The following FAT4 variants were observed in gnomAD, a reference collection of about 807,000 sequenced individuals.
FAT4 encodes the protein FAT atypical cadherin 4.
Under a neutral mutation model 303.9 loss-of-function variants are expected in FAT4, and 84 were observed. The ratio of observed to expected loss-of-function variants is 0.28; its 90% CI spans 0.23 to 0.33. FAT4 has a LOEUF of 0.33. Among genes scored for constraint, FAT4 ranks in the 10% least tolerant of loss-of-function variants. The pLI, the probability that FAT4 is intolerant of heterozygous loss-of-function variation, is 1.00. For missense variants in FAT4, 6,005 were observed against 6,146.8 expected, an observed-to-expected ratio of 0.98 and a Z score of 0.77; for synonymous variants, 2,307 against 2,298.8, an observed-to-expected ratio of 1.00 and a Z score of -0.10.
chr4:125,415,015 G>T lies in FAT4; in HGVS notation c.6052G>T (p.Val2018Phe), dbSNP rs1295755773. The T allele has an allele frequency of 8.1e-6, 13 of 1,613,920 alleles. No homozygotes were observed. The highest frequency in any genetic ancestry group is 1.0e-5 in the Non-Finnish European group (12 of 1,179,976). Reference sequence around the variant, plus strand: ...AAGTCAGTCCTTCTACAACTTGGTTGTTCAAGTGCATGACCTGCCACAGAT... The same window carrying T: ...AAGTCAGTCCTTCTACAACTTGGTTTTTCAAGTGCATGACCTGCCACAGAT... ...RESQSFYNLV[V>F]QVHDLPQIPA... Residue 2018 changes from valine (V) to phenylalanine (F), a missense_variant, in exon 6 of 18, where the codon GTT becomes TTT. Physicochemically the swap from Val to Phe is conservative, Grantham distance 50. Coordinates refer to ENST00000394329, the MANE Select transcript of FAT4 (RefSeq NM_001291303.3).
In FAT4 at chr4:125,449,439, G is replaced by C. The variant is rs768451775; in HGVS notation, c.8429G>C (p.Arg2810Thr). ...GACATTGGGATCAATGCAATTAGTA[G>C]ATATTCTATAATGGATGCAAGTCTT... ...DEDIGINAIS[R>T]YSIMDASLPF... The change falls in exon 10 of 18, where the codon AGA becomes ACA. Residue 2810 changes from arginine (R) to threonine (T), a missense_variant. By Grantham distance (71) the Arg-to-Thr change is moderately conservative. Transcript: ENST00000394329. 5 of 1,613,788 alleles carry C rather than the reference G, an allele frequency of 3.1e-6. No individual in the cohort carries two copies. Among genetic ancestry groups the C allele is most frequent in the Non-Finnish European group, 4.2e-6 (5 of 1,179,850 alleles).
intron 11 of FAT4, among the ~76,000 whole-genome samples, chr4:125,464,896 A>G (rs1726608776): frequency 6.6e-6 from 1 of 152,184 alleles, no homozygotes; most frequent in Admixed American, 6.6e-5. Context: ...ACTGTGCTAT[A>G]TGGACCTGAA....
chr4:125,357,260 T>C (rs985920310), intron 2 of FAT4, among the ~76,000 whole-genome samples: 1 of 152,136 alleles, frequency 6.6e-6, no homozygotes, highest in African/African-American at 2.4e-5. Context: ...ACATTTTTAC[T>C]GAATAAATAT....
intron 2 of FAT4, among the ~76,000 whole-genome samples, chr4:125,360,972 ATTAT>A (rs1204481239): frequency 1.4e-5 from 2 of 143,184 alleles, no homozygotes; most frequent in Non-Finnish European, 3.1e-5. Context: ...TATTTTTATT[ATTAT>A]TTATTTTATT....
intron 2 of FAT4, among the ~76,000 whole-genome samples, chr4:125,390,117 C>T (rs892681052): frequency 6.6e-6 from 1 of 152,100 alleles, no homozygotes; most frequent in African/African-American, 2.4e-5. Flanking sequence ...GGCAATACAG[C>T]TCTTTATTGT....
chr4:125,375,344 G>A (rs1733270905), intron 2 of FAT4, among the ~76,000 whole-genome samples: 2 of 152,182 alleles, frequency 1.3e-5, no homozygotes, highest in African/African-American at 4.8e-5. Flanking sequence ...TAATGTATAT[G>A]TTTGGCTGAG....
chr4:125,459,254 T>A (rs1416182933), intron 10 of FAT4, among the ~76,000 whole-genome samples: 1 of 152,002 alleles, frequency 6.6e-6, no homozygotes, highest in Non-Finnish European at 1.5e-5. Flanking sequence ...GAGAATAAAT[T>A]TAGCTCTATT....
chr4:125,336,690 G>C (rs1731589912), intron 2 of FAT4, among the ~76,000 whole-genome samples: 1 of 151,876 alleles, frequency 6.6e-6, no homozygotes, highest in Non-Finnish European at 1.5e-5. Context: ...TTTGAAAACT[G>C]TCCATTCTGG....
intron 2 of FAT4, among the ~76,000 whole-genome samples, chr4:125,391,442 C>G (rs1214370358): frequency 6.6e-6 from 1 of 152,120 alleles, no homozygotes; most frequent in African/African-American, 2.4e-5. Context: ...TCTGCATGCT[C>G]TCACTCATAA....
At chr4:125,419,708 C>A (rs1011449238) in intron 7 of FAT4, among the ~76,000 whole-genome samples, 3 of 152,138 alleles carry the variant, frequency 2.0e-5, no homozygotes, top group Non-Finnish European at 2.9e-5. Flanking sequence ...CAGCTGCCAC[C>A]TTTATTTTGA....
At chr4:125,479,198 C>T (rs1167732562) in intron 14 of FAT4, among the ~76,000 whole-genome samples, 2 of 152,116 alleles carry the variant, frequency 1.3e-5, no homozygotes, top group African/African-American at 2.4e-5. Context: ...TCAGCAAACC[C>T]GCAAACTCAC....
At position 125,461,483 on chromosome 4, in the gene FAT4, C is replaced by T. The variant is rs149539734; in HGVS notation, c.11801-2080C>T. ...TTCTTATTTGTTCCTCATTTCCAGT[C>T]GTTAAGAAGTGAAGGTGGCAATTTT... On this transcript the variant is annotated intron_variant, in intron 10 of 17. Coordinates refer to ENST00000394329, the MANE Select transcript of FAT4 (RefSeq NM_001291303.3). Among the ~76,000 whole-genome samples, 90 of 152,004 alleles carry T rather than the reference C, an allele frequency of 5.9e-4. No individual in the cohort carries two copies. In the East Asian group the frequency reaches 9.5e-3, roughly 16 times the overall value.
At chr4:125,463,476 G>T (rs1203968103) in intron 10 of FAT4, 87 bp from the exon 11 acceptor site, 20 of 685,358 alleles carry the variant, frequency 2.9e-5, no homozygotes, top group Non-Finnish European at 2.5e-5. Context: ...TATGCCTTAG[G>T]AAAGATTTTT....
intron 4 of FAT4, 25 bp downstream of exon 4, chr4:125,407,166 AT>A: frequency 6.3e-7 from 1 of 1,577,992 alleles, no homozygotes. Context: ...TCTTATGTGT[AT>A]TTTGCAAGAA....
rs754755525 is a variant in FAT4 at position 125,468,549 on chromosome 4, A to T, written c.11943A>T (p.Gly3981=). 6.4e-5 allele frequency: 103 copies of T among 1,612,788 alleles called. No homozygotes were observed. The highest frequency in any genetic ancestry group is 7.8e-5 in the Non-Finnish European group (92 of 1,179,118). Residue 3981 remains glycine (G), a synonymous_variant, in exon 12 of 18, where the codon GGA becomes GGT. Transcript: ENST00000394329. ...FGKHCELNSY[G]FEELSYMEFP... Reference sequence around the variant, plus strand: ...AACACTGCGAGTTGAACAGTTATGGATTTGAGGAGTTATCATACATGGAAT... The same window carrying T: ...AACACTGCGAGTTGAACAGTTATGGTTTTGAGGAGTTATCATACATGGAAT...
intron 2 of FAT4, among the ~76,000 whole-genome samples, chr4:125,341,436 G>A (rs1279053932): frequency 6.6e-6 from 1 of 152,056 alleles, no homozygotes; most frequent in African/African-American, 2.4e-5. Context: ...GAGACCTCAA[G>A]TGTTTCTTAT....
intron 11 of FAT4, among the ~76,000 whole-genome samples, chr4:125,467,214 G>A (rs1421368933): frequency 1.3e-5 from 2 of 152,132 alleles, no homozygotes; most frequent in African/African-American, 4.8e-5. Context: ...ATAACATGTG[G>A]TAGTCAAAAT....
intron 12 of FAT4, among the ~76,000 whole-genome samples, chr4:125,473,487 G>A (rs536041805): frequency 3.8e-4 from 58 of 152,150 alleles, no homozygotes; most frequent in African/African-American, 1.1e-3. Flanking sequence ...TATTCCTGAT[G>A]ATTGATGTAA....
chr4:125,424,822 C>T lies in FAT4; in HGVS notation c.7018+8200C>T, dbSNP rs567485273. 5.3e-5 allele frequency among the ~76,000 whole-genome samples: 8 copies of T among 152,144 alleles called. No individual in the cohort carries two copies. In the South Asian group the frequency reaches 6.2e-4, roughly 12 times the overall value. On this transcript the variant is annotated intron_variant, in intron 7 of 17. Transcript: ENST00000394329. ...CTGGCGAGAGAGTGTTAAGTACTTA[C>T]GTATTTTACCCATTTTGAAAGTTGA...
Sources: allele counts gnomAD v4.1 joint callset (sites outside exome capture counted in the v4.1 genomes callset), GRCh38; gene constraint gnomAD v4.1.1; transcripts MANE v1.5; gene names NCBI Gene and HGNC (gene_info 2026-07-23, HGNC 2026-07-21).